FOXN3: variants seen among roughly 807,000 people sequenced by gnomAD.
FOXN3 encodes forkhead box protein N3.
Under a neutral mutation model 38.4 loss-of-function variants are expected in FOXN3, and 7 were observed. That is an observed-to-expected ratio of 0.18 (90% CI 0.10 to 0.34). The LOEUF is 0.34. Among genes scored for constraint, FOXN3 ranks in the 10% least tolerant of loss-of-function variants. The probability of loss-of-function intolerance (pLI) is 1.00; values close to 1 mark genes in which losing one functional copy is unlikely to be tolerated. For synonymous variants in FOXN3, 230 were observed against 242.2 expected, an observed-to-expected ratio of 0.95 and a Z score of 0.47; for missense variants, 456 against 613.4, an observed-to-expected ratio of 0.74 and a Z score of 2.71.
At chr14:89,474,451 C>A (rs1303941360) in intron 1 of FOXN3, among the ~76,000 whole-genome samples, 1 of 152,166 alleles carries the variant, frequency 6.6e-6, no homozygotes, top group East Asian at 1.9e-4. Context: ...GTGGCAGAAC[C>A]ACTTGGTTAT....
intron 2 of FOXN3, among the ~76,000 whole-genome samples, chr14:89,383,341 C>A (rs1216160940): frequency 6.6e-6 from 1 of 152,140 alleles, no homozygotes; most frequent in Non-Finnish European, 1.5e-5. Context: ...GACACACTAG[C>A]CTGATAGAGC....
At chr14:89,508,159 T>C (rs1335178051) in intron 1 of FOXN3, among the ~76,000 whole-genome samples, 1 of 152,164 alleles carries the variant, frequency 6.6e-6, no homozygotes, top group Non-Finnish European at 1.5e-5. Flanking sequence ...CCATCTACCC[T>C]TGAAGGCAAC....
At chr14:89,413,348 A>C (rs1392482955) in intron 1 of FOXN3, among the ~76,000 whole-genome samples, 1 of 152,014 alleles carries the variant, frequency 6.6e-6, no homozygotes, top group East Asian at 1.9e-4. Context: ...AAAACAAATG[A>C]ACAGGCTGGG....
intron 3 of FOXN3, among the ~76,000 whole-genome samples, chr14:89,299,851 G>A (rs911628396): frequency 2.0e-5 from 3 of 152,196 alleles, no homozygotes; most frequent in African/African-American, 7.2e-5. Context: ...TGGCCAGGGT[G>A]CTTGATCCAA....
chr14:89,534,032 G>A (rs1894631283), intron 1 of FOXN3, among the ~76,000 whole-genome samples: 1 of 150,926 alleles, frequency 6.6e-6, no homozygotes, highest in South Asian at 2.1e-4. Flanking sequence ...TGGGAATTTT[G>A]CCTGACTAGA....
At chr14:89,538,898 C>T (rs1894741873) in intron 1 of FOXN3, among the ~76,000 whole-genome samples, 2 of 151,994 alleles carry the variant, frequency 1.3e-5, no homozygotes, top group Non-Finnish European at 2.9e-5. Context: ...GGCTGGAGTG[C>T]AGTGGTGCGA....
rs576883864 is a variant in FOXN3, at chr14:89,446,087, C to CAAAAAAAAAAAAAAAAA, written c.-14-33614_-14-33598dup. On this transcript the variant is annotated intron_variant, in intron 1 of 6. Transcript: ENST00000345097. ...TGGGTAACAGAGCGAGACCCTGCCT[C>CAAAAAAAAAAAAAAAAA]AAAAAAAAAAAAAAAAAAAAAAAAT... 4.9e-3 allele frequency among the ~76,000 whole-genome samples: 196 copies of CAAAAAAAAAAAAAAAAA among 40,088 alleles called. 22 individuals are homozygous for CAAAAAAAAAAAAAAAAA. Among genetic ancestry groups the CAAAAAAAAAAAAAAAAA allele is most frequent in the Non-Finnish European group, 7.1e-3 (157 of 22,072 alleles). The allele number at this position is 40,088 out of a possible 152,430, so 26.3% of individuals were successfully genotyped here. A position where few individuals can be genotyped will look rare whatever the true frequency, so the allele number is the denominator to read the frequency against.
intron 3 of FOXN3, among the ~76,000 whole-genome samples, chr14:89,320,369 A>T (rs890398074): frequency 1.3e-5 from 2 of 152,242 alleles, no homozygotes. Context: ...TTCAAACAAA[A>T]GGTTTGTAAC....
At chr14:89,310,028 A>G (rs1887485774) in intron 3 of FOXN3, among the ~76,000 whole-genome samples, 1 of 152,236 alleles carries the variant, frequency 6.6e-6, no homozygotes, top group South Asian at 2.1e-4. Context: ...GGGTGGGGAC[A>G]GTGACCAATG....
chr14:89,229,072 C>A (rs1049153839), intron 4 of FOXN3, among the ~76,000 whole-genome samples: 1 of 152,106 alleles, frequency 6.6e-6, no homozygotes, highest in Non-Finnish European at 1.5e-5. Context: ...TCAGAACAAC[C>A]AATACAGCCC....
intron 3 of FOXN3, among the ~76,000 whole-genome samples, chr14:89,328,781 C>T (rs1420236805): frequency 1.1e-4 from 16 of 152,214 alleles, no homozygotes. Flanking sequence ...ACAGATAATT[C>T]CATGATCTCA....
rs576535432 is a variant in FOXN3, at chr14:89,172,470, T to C, written c.851+8231A>G. On this transcript the variant is annotated intron_variant, in intron 5 of 5. Transcript: ENST00000557258. The stretch of plus-strand genomic sequence containing the variant: ...TCAGGAACCATAATAGGGTGTCTTT[T>C]CTTTGTTTTTCTTGTTCGCGCACTC... 5.9e-5 allele frequency among the ~76,000 whole-genome samples: 9 copies of C among 152,342 alleles called. No homozygotes were observed. The South Asian group carries it at 1.0e-3, about 18-fold the overall frequency.
At chr14:89,436,456 C>T (rs1209784298) in intron 1 of FOXN3, among the ~76,000 whole-genome samples, 1 of 152,044 alleles carries the variant, frequency 6.6e-6, no homozygotes, top group Non-Finnish European at 1.5e-5. Context: ...TTTGTGGTTT[C>T]CTCTCCAGTA....
In FOXN3 at chr14:89,412,781, C is replaced by A. The variant is rs1019706977; in HGVS notation, c.-14-291G>T. 6.6e-6 allele frequency among the ~76,000 whole-genome samples: 1 copy of A among 152,202 alleles called. No homozygotes were observed. Among genetic ancestry groups the A allele is most frequent in the Non-Finnish European group, 1.5e-5 (1 of 68,038 alleles). ...AGGCACGGTGGCTCACGCCTGTAATCCCAGCACTTTGGGAGGCTGAGGCGG... is the reference window on the plus strand; with the variant it reads ...AGGCACGGTGGCTCACGCCTGTAATACCAGCACTTTGGGAGGCTGAGGCGG... On this transcript the variant is annotated intron_variant, in intron 1 of 5. Transcript: ENST00000557258. The surrounding 1 kb of genome is among the most constrained non-coding windows in gnomAD (Gnocchi z 4.7).
At chr14:89,286,209 G>A (rs1261918713) in intron 3 of FOXN3, among the ~76,000 whole-genome samples, 1 of 151,946 alleles carries the variant, frequency 6.6e-6, no homozygotes, top group African/African-American at 2.4e-5. Flanking sequence ...GAAGGGAGGG[G>A]GAGGAAGAAG....
At chr14:89,479,571 C>T (rs1431166274) in intron 1 of FOXN3, among the ~76,000 whole-genome samples, 1 of 152,176 alleles carries the variant, frequency 6.6e-6, no homozygotes, top group Admixed American at 6.5e-5. Context: ...ATGTCTTTCT[C>T]TGTGATCTCT....
chr14:89,472,779 A>T (rs1893132431), intron 1 of FOXN3, among the ~76,000 whole-genome samples: 1 of 151,916 alleles, frequency 6.6e-6, no homozygotes, highest in Admixed American at 6.6e-5. Flanking sequence ...AGTACTAGGA[A>T]CTCAGTTGGT....
intron 2 of FOXN3, among the ~76,000 whole-genome samples, chr14:89,374,133 G>A (rs1189345785): frequency 3.3e-5 from 5 of 151,780 alleles, no homozygotes; most frequent in Non-Finnish European, 5.9e-5. Flanking sequence ...GCATGATGGT[G>A]TGCGCCTGTG....
chr14:89,425,062 CTTTTTTTT>C lies in FOXN3; in HGVS notation c.-14-12580_-14-12573del, dbSNP rs3994032. On this transcript the variant is annotated intron_variant, in intron 1 of 6. Transcript: ENST00000345097. ...GTTGTGTTTTGTTTTGTTTTCTTTT[CTTTTTTTT>C]TTTTTTTTTTTTGAGACAGAGTGTC... Among the ~76,000 whole-genome samples the C allele has an allele frequency of 1.1e-3, 116 of 104,202 alleles. 1 individual carries two copies. Among genetic ancestry groups the C allele is most frequent in the Middle Eastern group, 6.8e-3 (1 of 148 alleles). 68.4% of individuals were successfully genotyped at this position (104,202 alleles called of 152,430 possible).
Sources: gnomAD v4.1 joint callset for allele counts (sites outside exome capture counted in the v4.1 genomes callset) on GRCh38, gnomAD v4.1.1 for gene constraint, Gnocchi (gnomAD v3.1) non-coding constraint, MANE v1.5 for transcripts, NCBI Gene and HGNC (gene_info 2026-07-23, HGNC 2026-07-21) for gene names.